Variants in MAST4 observed in about 807,000 individuals in gnomAD.
MAST4 encodes the protein microtubule associated serine/threonine kinase family member 4.
In MAST4, 89 loss-of-function variants were observed where a neutral mutation model predicts 162.7. The ratio of observed to expected loss-of-function variants is 0.55; its 90% confidence interval spans 0.46 to 0.65. The LOEUF is 0.65. Ranked by LOEUF, MAST4 falls within the 30% of genes least tolerant of loss-of-function variation. MAST4 has a pLI of 0.00. For missense variants in MAST4, 3,153 were observed against 3,374.0 expected (o/e 0.93, Z 1.62); for synonymous variants, 1,479 against 1,361.1 (o/e 1.09, Z -1.91).
chr5:66,722,823 G>A (rs1580294748), intron 1 of MAST4, among the ~76,000 whole-genome samples: 1 of 152,280 alleles, frequency 6.6e-6, no homozygotes, highest in East Asian at 1.9e-4. Context: ...TGCATAGCGA[G>A]GGAGAGGTGT....
chr5:66,815,835 C>T (rs16895662), intron 3 of MAST4, among the ~76,000 whole-genome samples: 3,889 of 152,248 alleles, frequency 0.026, 132 homozygotes, highest in South Asian at 0.075. Flanking sequence ...TCCTCACAAA[C>T]GTCCTTACCT....
At chr5:66,650,737 A>G (rs906697612) in intron 1 of MAST4, among the ~76,000 whole-genome samples, 3 of 152,216 alleles carry the variant, frequency 2.0e-5, no homozygotes, top group African/African-American at 7.2e-5. Flanking sequence ...ATACAGCAGT[A>G]CTCCAGAACA....
chr5:66,793,823 A>G (rs1755530530), intron 3 of MAST4, among the ~76,000 whole-genome samples: 1 of 152,132 alleles, frequency 6.6e-6, no homozygotes, highest in African/African-American at 2.4e-5. Flanking sequence ...CTTGCCACAT[A>G]TTTCATTTCC....
intron 1 of MAST4, among the ~76,000 whole-genome samples, chr5:66,618,748 C>CT (rs1327642200): frequency 6.6e-6 from 1 of 152,148 alleles, no homozygotes; most frequent in Non-Finnish European, 1.5e-5. Flanking sequence ...GAATATTGTG[C>CT]TTTTCATTTC....
Position 66,611,052 on chromosome 5 carries a change from C to T in MAST4, c.363+14034C>T, listed in dbSNP as rs1435585522. Among the ~76,000 whole-genome samples, 3 of 152,308 alleles carry T rather than the reference C, an allele frequency of 2.0e-5. No homozygotes were observed. In the East Asian group the frequency reaches 5.8e-4, roughly 29 times the overall value. On this transcript the variant is annotated intron_variant, in intron 1 of 28. Coordinates refer to ENST00000403625, the MANE Select transcript of MAST4 (RefSeq NM_001164664.2). ...AATGCCTTTAAAAATAAACCAAGTG[C>T]TATTACTAGAAATAGTTACAGCCAA... is the stretch of plus-strand genomic sequence containing the variant.
intron 14 of MAST4, among the ~76,000 whole-genome samples, chr5:67,127,543 T>C (rs936050228): frequency 1.3e-5 from 2 of 152,220 alleles, no homozygotes; most frequent in African/African-American, 4.8e-5. Flanking sequence ...CGTTTATTGA[T>C]TTGCATATGT....
At chr5:67,101,157 G>A (rs1290879751) in intron 8 of MAST4, among the ~76,000 whole-genome samples, 2 of 152,182 alleles carry the variant, frequency 1.3e-5, no homozygotes, top group Non-Finnish European at 2.9e-5. Flanking sequence ...CTAAAACAGA[G>A]CTTCTTGTTC....
At chr5:66,978,631 G>C (rs1344915725) in intron 4 of MAST4, among the ~76,000 whole-genome samples, 2 of 152,156 alleles carry the variant, frequency 1.3e-5, no homozygotes, top group African/African-American at 4.8e-5. Context: ...TAAGTACATG[G>C]AAAGGAGGAG....
chr5:66,740,817 A>G (rs760376759), intron 1 of MAST4, among the ~76,000 whole-genome samples: 4 of 152,092 alleles, frequency 2.6e-5, no homozygotes, highest in Non-Finnish European at 4.4e-5. Context: ...GGAATGGAAA[A>G]CAGTTCCGGA....
At chr5:66,895,432 C>A (rs1762622136) in intron 3 of MAST4, among the ~76,000 whole-genome samples, 1 of 152,106 alleles carries the variant, frequency 6.6e-6, no homozygotes, top group Admixed American at 6.6e-5. Context: ...TTCTTGCACC[C>A]AGATTCGTTT....
At chr5:67,028,726 A>G (rs1431913567) in intron 4 of MAST4, among the ~76,000 whole-genome samples, 7 of 152,176 alleles carry the variant, frequency 4.6e-5, no homozygotes, top group African/African-American at 1.7e-4. Flanking sequence ...TGAAGATGAT[A>G]TCTTCAGTTT....
At position 67,162,700 on chromosome 5, in the gene MAST4, G is replaced by C. The variant is rs536809246; in HGVS notation, c.3879G>C (p.Ser1293=). 17 of 1,613,740 alleles carry C rather than the reference G, an allele frequency of 1.1e-5. No homozygotes were observed. The South Asian group carries it at 1.1e-4, about 10-fold the overall frequency. Residue 1293 remains serine (S), a synonymous_variant, in exon 28 of 29, where the codon TCG becomes TCC. Transcript: ENST00000403625. The part of the protein sequence containing the change: ...SFSCLNRSLS[S]GESLPGSPTH... The stretch of plus-strand genomic sequence containing the variant: ...CCTGCTTGAACAGATCCCTGTCATC[G>C]GGTGAGAGCCTCCCAGGTTCCCCCA...
At chr5:66,965,704 G>A (rs1309505938) in intron 4 of MAST4, among the ~76,000 whole-genome samples, 2 of 151,968 alleles carry the variant, frequency 1.3e-5, no homozygotes, top group Admixed American at 6.5e-5. Context: ...AGGTGAAATA[G>A]AAGAAAAGTT....
At chr5:67,058,664 G>GCA (rs998689388) in intron 5 of MAST4, among the ~76,000 whole-genome samples, 3 of 152,194 alleles carry the variant, frequency 2.0e-5, no homozygotes, top group Non-Finnish European at 4.4e-5. Flanking sequence ...TGAAAACATT[G>GCA]CATGTTGTCA....
At chr5:66,770,244 GT>G (rs1169855921) in intron 2 of MAST4, among the ~76,000 whole-genome samples, 1 of 152,136 alleles carries the variant, frequency 6.6e-6, no homozygotes, top group African/African-American at 2.4e-5. Flanking sequence ...TGGATATTTT[GT>G]TTGCTATCTA....
chr5:67,136,139 T>C (rs80058633), intron 18 of MAST4, among the ~76,000 whole-genome samples: 2,956 of 152,270 alleles, frequency 0.019, 109 homozygotes, highest in African/African-American at 0.068. Context: ...GTTGAGGAAA[T>C]TAAGAGAGAA....
intron 4 of MAST4, chr5:67,002,171 A>T (rs563755434): frequency 6.6e-6 from 1 of 152,140 alleles, no homozygotes; most frequent in Non-Finnish European, 1.5e-5. Context: ...AGACCTGAGG[A>T]ATGTTAGCAC....
chr5:66,607,908 T>G (rs931088109), intron 1 of MAST4, among the ~76,000 whole-genome samples: 2 of 152,226 alleles, frequency 1.3e-5, no homozygotes, highest in Non-Finnish European at 2.9e-5. Flanking sequence ...AATAGGCACC[T>G]ATTCTTCCTG....
chr5:66,692,735 G>A (rs1377185235), intron 1 of MAST4, among the ~76,000 whole-genome samples: 5 of 151,974 alleles, frequency 3.3e-5, no homozygotes, highest in Non-Finnish European at 4.4e-5. Flanking sequence ...GGCTCTGGTC[G>A]GGGCCTGCTT....
Sources: gnomAD v4.1 joint callset for allele counts (sites outside exome capture counted in the v4.1 genomes callset) on GRCh38, gnomAD v4.1.1 for gene constraint, MANE v1.5 for transcripts, NCBI Gene and HGNC (gene_info 2026-07-23, HGNC 2026-07-21) for gene names.